Variants in KIF6 observed in about 807,000 individuals in gnomAD.
KIF6 encodes the protein kinesin family member 6, also known as kinesin-like protein KIF6.
KIF6 carries 106 observed loss-of-function variants against 112.7 expected under a neutral mutation model. The ratio of observed to expected loss-of-function variants is 0.94; its 90% CI spans 0.80 to 1.11. The LOEUF (loss-of-function observed/expected upper bound fraction) is 1.11. Among genes scored for constraint, KIF6 ranks in the 50% least tolerant of loss-of-function variants. KIF6 has a pLI of 0.00. For synonymous variants in KIF6, 339 were observed against 339.9 expected (o/e 1.00, Z 0.03); for missense variants, 929 against 964.0 (o/e 0.96, Z 0.48).
Position 39,342,707 on chromosome 6 carries a change from G to A in KIF6, c.2428+1002C>T. On this transcript the variant is annotated intron_variant, in intron 22 of 22. Coordinates refer to ENST00000287152, the MANE Select transcript of KIF6 (RefSeq NM_145027.6). This position sits in a 1 kb window ranked among gnomAD's most constrained non-coding sequence, Gnocchi z 4.7. Reference sequence around the variant, plus strand: ...CTGTCTCAGGCTTAAGAAAGGACCTGACAGTGTTGCTGAGGCTGCTGGTCC... The same window carrying A: ...CTGTCTCAGGCTTAAGAAAGGACCTAACAGTGTTGCTGAGGCTGCTGGTCC... 2.8e-6 allele frequency: 2 copies of A among 725,438 alleles called. No individual in the cohort carries two copies. Among genetic ancestry groups the A allele is most frequent in the East Asian group, 1.3e-4 (1 of 7,558 alleles). 44.9% of individuals were successfully genotyped at this position (725,438 alleles called of 1,614,324 possible).
At chr6:39,653,812 T>C (rs973601667) in intron 3 of KIF6, among the ~76,000 whole-genome samples, 24 of 152,090 alleles carry the variant, frequency 1.6e-4, no homozygotes, top group Admixed American at 4.6e-4. Flanking sequence ...CTCTGTAGGA[T>C]GCCGGTGGGG....
At chr6:39,648,534 T>C (rs1442944767) in intron 3 of KIF6, among the ~76,000 whole-genome samples, 1 of 152,250 alleles carries the variant, frequency 6.6e-6, no homozygotes, top group Admixed American at 6.5e-5. Flanking sequence ...GATCTCAAGC[T>C]GGCAGTAAAA....
At chr6:39,551,152 T>C (rs1459797845) in intron 10 of KIF6, among the ~76,000 whole-genome samples, 3 of 152,228 alleles carry the variant, frequency 2.0e-5, no homozygotes, top group African/African-American at 7.2e-5. Flanking sequence ...AGTTTTAGTT[T>C]TTGGAGGAAA....
At chr6:39,508,295 A>C (rs549979313) in intron 13 of KIF6, among the ~76,000 whole-genome samples, 2 of 152,106 alleles carry the variant, frequency 1.3e-5, no homozygotes, top group Admixed American at 6.5e-5. Context: ...AGCGAGACTG[A>C]CACAGAACAC....
chr6:39,386,316 T>G (rs1665388794), intron 15 of KIF6, among the ~76,000 whole-genome samples: 1 of 152,108 alleles, frequency 6.6e-6, no homozygotes, highest in South Asian at 2.1e-4. Context: ...TAGAAAATAT[T>G]CAGAAGATGG....
chr6:39,659,389 A>G (rs1785993688), intron 3 of KIF6, among the ~76,000 whole-genome samples: 1 of 152,172 alleles, frequency 6.6e-6, no homozygotes, highest in Admixed American at 6.6e-5. Context: ...GCAGATTACA[A>G]AAAAAGTGTA....
chr6:39,479,799 A>AT (rs1210305711), intron 13 of KIF6, among the ~76,000 whole-genome samples: 2 of 151,322 alleles, frequency 1.3e-5, no homozygotes, highest in Admixed American at 1.3e-4. Flanking sequence ...ATTATATTTT[A>AT]TTTTTTTGCA....
At chr6:39,408,531 A>C (rs1179898543) in intron 15 of KIF6, among the ~76,000 whole-genome samples, 2 of 152,212 alleles carry the variant, frequency 1.3e-5, no homozygotes, top group Non-Finnish European at 2.9e-5. Context: ...TTTCTCATTT[A>C]ACATACTCAC....
chr6:39,695,600 T>A (rs1397981640), intron 3 of KIF6, among the ~76,000 whole-genome samples: 3 of 152,146 alleles, frequency 2.0e-5, no homozygotes, highest in Admixed American at 2.0e-4. Context: ...TACAATAGGA[T>A]ACCATCTCAC....
At chr6:39,492,076 G>A (rs1038295180) in intron 13 of KIF6, among the ~76,000 whole-genome samples, 11 of 152,164 alleles carry the variant, frequency 7.2e-5, no homozygotes, top group African/African-American at 1.4e-4. Context: ...CACCCACGGC[G>A]AGACTGTAAG....
chr6:39,465,487 C>G (rs902406306), intron 13 of KIF6, among the ~76,000 whole-genome samples: 2 of 152,178 alleles, frequency 1.3e-5, no homozygotes, highest in African/African-American at 4.8e-5. Context: ...GCCTATCCTT[C>G]TCTTCTTTAT....
At chr6:39,696,783 G>T (rs1788564959) in intron 3 of KIF6, among the ~76,000 whole-genome samples, 1 of 149,964 alleles carries the variant, frequency 6.7e-6, no homozygotes, top group Admixed American at 6.6e-5. Flanking sequence ...GTAAATACTG[G>T]ACACACACAC....
chr6:39,555,953 C>CAAAAA (rs35420944), intron 10 of KIF6, among the ~76,000 whole-genome samples: 118 of 76,906 alleles, frequency 1.5e-3, no homozygotes, highest in African/African-American at 2.0e-3. Flanking sequence ...GACGCTGTCT[C>CAAAAA]AAAAAAAAAA....
chr6:39,540,603 C>T (rs1249437974), intron 12 of KIF6, among the ~76,000 whole-genome samples: 1 of 152,218 alleles, frequency 6.6e-6, no homozygotes, highest in Non-Finnish European at 1.5e-5. Context: ...TATGTATCAG[C>T]CCCCTGGGCG....
chr6:39,651,926 GAA>G (rs557976130), intron 3 of KIF6, among the ~76,000 whole-genome samples: 3 of 152,124 alleles, frequency 2.0e-5, no homozygotes, highest in Non-Finnish European at 4.4e-5. Context: ...AAAAGGAACA[GAA>G]AAGACTGTTC....
intron 15 of KIF6, among the ~76,000 whole-genome samples, chr6:39,417,239 C>T (rs1366655580): frequency 6.6e-6 from 1 of 152,104 alleles, no homozygotes; most frequent in Non-Finnish European, 1.5e-5. Context: ...GGTCAAGCAC[C>T]GTGAGGGGGT....
rs767694711 is a variant in KIF6, at chr6:39,720,799, C to A, written c.79G>T (p.Asp27Tyr). 3 of 1,543,012 alleles carry A rather than the reference C, an allele frequency of 1.9e-6. No homozygotes were observed. The highest frequency in any genetic ancestry group is 3.3e-5 in the Admixed American group (2 of 59,868). Reference sequence around the variant, plus strand: ...CTAGGTATTAATTTTTCATCTTCATCTATGGAATAAATCTGCAAATGTGAA... The same window carrying A: ...CTAGGTATTAATTTTTCATCTTCATATATGGAATAAATCTGCAAATGTGAA... Reference protein sequence around the residue: ...RKHQQGIYSIDEDEKLIPSLE... With the variant: ...RKHQQGIYSIYEDEKLIPSLE... Residue 27 changes from aspartate (D) to tyrosine (Y), a missense_variant, in exon 2 of 23, where the codon GAT (aspartate) becomes TAT (tyrosine). Around this residue, in one of 2 missense-constraint regions of KIF6, gnomAD observed 688 missense variants for 662.7 expected, o/e 1.04. Coordinates refer to ENST00000287152, the MANE Select transcript of KIF6 (RefSeq NM_145027.6).
chr6:39,524,402 C>T (rs1484073162), intron 13 of KIF6, among the ~76,000 whole-genome samples: 2 of 152,162 alleles, frequency 1.3e-5, no homozygotes, highest in Non-Finnish European at 2.9e-5. Context: ...AGGGACTACG[C>T]TGGTATCTTG....
intron 15 of KIF6, among the ~76,000 whole-genome samples, chr6:39,415,889 A>G (rs1036274854): frequency 1.3e-5 from 2 of 152,130 alleles, no homozygotes; most frequent in Non-Finnish European, 2.9e-5. Context: ...GGGGGAAAAA[A>G]ACTTCCAGAA....
Sources: allele counts gnomAD v4.1 joint callset (sites outside exome capture counted in the v4.1 genomes callset), GRCh38; gene constraint gnomAD v4.1.1; regional missense constraint gnomAD v4.1.1; non-coding constraint Gnocchi (gnomAD v3.1); transcripts MANE v1.5; gene names NCBI Gene and HGNC (gene_info 2026-07-23, HGNC 2026-07-21).